Variants in INPP5A observed in about 807,000 individuals in gnomAD.
INPP5A encodes the protein 43 kDa inositol polyphosphate 5-phophatase.
A neutral mutation model predicts 65.2 loss-of-function variants in INPP5A; 14 were observed. The ratio of observed to expected loss-of-function variants is 0.21; its 90% CI spans 0.14 to 0.34. The LOEUF (loss-of-function observed/expected upper bound fraction) is 0.34. Among genes scored for constraint, INPP5A ranks in the 10% least tolerant of loss-of-function variants. The pLI is 1.00. For synonymous variants in INPP5A, 207 were observed against 208.3 expected, an observed-to-expected ratio of 0.99 and a Z score of 0.05; for missense variants, 431 against 545.6, an observed-to-expected ratio of 0.79 and a Z score of 2.09.
chr10:132,570,993 C>A (rs944576796), intron 1 of INPP5A, among the ~76,000 whole-genome samples: 1 of 152,240 alleles, frequency 6.6e-6, no homozygotes, highest in African/African-American at 2.4e-5. Flanking sequence ...ACGAGGCACT[C>A]CCTCCCCACC....
At chr10:132,563,856 G>A (rs114374174) in intron 1 of INPP5A, among the ~76,000 whole-genome samples, 168 of 152,256 alleles carry the variant, frequency 1.1e-3, no homozygotes, top group African/African-American at 3.8e-3. Context: ...AGTGGGGGCC[G>A]GTTGCCAGGG....
At chr10:132,631,287 G>C (rs1483543328) in intron 2 of INPP5A, among the ~76,000 whole-genome samples, 4 of 152,174 alleles carry the variant, frequency 2.6e-5, no homozygotes, top group African/African-American at 9.7e-5. Flanking sequence ...CCAGGGGCCT[G>C]TGGGAACCTG....
chr10:132,635,983 CAA>C (rs202003054), intron 2 of INPP5A, among the ~76,000 whole-genome samples: 15 of 49,204 alleles, frequency 3.0e-4, no homozygotes, highest in Admixed American at 6.6e-4. Flanking sequence ...ATCTCAAAGA[CAA>C]AAAAAAAAAA....
At chr10:132,559,767 C>T (rs1211331118) in intron 1 of INPP5A, among the ~76,000 whole-genome samples, 2 of 152,262 alleles carry the variant, frequency 1.3e-5, no homozygotes, top group South Asian at 2.1e-4. Context: ...ACCTCAGTTA[C>T]TTAGCATGTG....
At chr10:132,701,183 G>C (rs1346672629) in intron 6 of INPP5A, among the ~76,000 whole-genome samples, 4 of 152,212 alleles carry the variant, frequency 2.6e-5, no homozygotes, top group African/African-American at 9.7e-5. Context: ...CTATCCATCT[G>C]CCTGCTGAAG....
At chr10:132,622,357 C>A (rs1466398321) in intron 2 of INPP5A, among the ~76,000 whole-genome samples, 1 of 140,874 alleles carries the variant, frequency 7.1e-6, no homozygotes, top group African/African-American at 2.7e-5. Flanking sequence ...CGTGTTAGAA[C>A]TTGAGAAATA....
At position 132,783,128 on chromosome 10, in the gene INPP5A, T is replaced by A. The variant is rs1437350723; in HGVS notation, c.*1099T>A. 1.3e-5 allele frequency: 2 copies of A among 152,426 alleles called. No individual in the cohort carries two copies. The highest frequency in any genetic ancestry group is 4.8e-5 in the African/African-American group (2 of 41,462). 9.4% of individuals were successfully genotyped at this position (152,426 alleles called of 1,614,324 possible). On this transcript the variant is annotated 3_prime_UTR_variant, in exon 16 of 16. Transcript: ENST00000368594. ...ACCCATGTCATAACCTTGTTGCAAA[T>A]ATTTTTCTCCTATAGCAGTAAGTAC...
rs2072203581 is a variant in INPP5A, at chr10:132,627,616, C to T, written c.118-18252C>T. Among the ~76,000 whole-genome samples the T allele has an allele frequency of 1.3e-5, 2 of 152,102 alleles. No individual in the cohort carries two copies. The highest frequency in any genetic ancestry group is 2.4e-5 in the African/African-American group (1 of 41,406). On this transcript the variant is annotated intron_variant, in intron 2 of 15. Transcript: ENST00000368594. This position sits in a 1 kb window ranked among gnomAD's most constrained non-coding sequence, Gnocchi z 6.6. The stretch of plus-strand genomic sequence containing the variant: ...GTGAAATGAACGAGGGAGTGAGAGC[C>T]GAAAAAGACACCTTCCAGGAATCGT...
chr10:132,768,973 C>A (rs532890937), intron 12 of INPP5A, among the ~76,000 whole-genome samples: 4 of 152,252 alleles, frequency 2.6e-5, no homozygotes, highest in African/African-American at 4.8e-5. Flanking sequence ...GGGCAGTAGA[C>A]CCTCCATGGG....
Position 132,637,848 on chromosome 10 carries a change from C to T in INPP5A, c.118-8020C>T, listed in dbSNP as rs573808478. 3.9e-4 allele frequency among the ~76,000 whole-genome samples: 59 copies of T among 152,286 alleles called. 4 individuals are homozygous for T. Among genetic ancestry groups the T allele is most frequent in the Admixed American group, 3.6e-3 (55 of 15,302 alleles). On this transcript the variant is annotated intron_variant, in intron 2 of 15. Transcript: ENST00000368594. The surrounding 1 kb of genome is among the most constrained non-coding windows in gnomAD (Gnocchi z 4.1). ...TGGGCTCCCGTCCTGTTCTGCCTCA[C>T]GGTCGTTTTCCTCAGGTCGGGCACG...
intron 2 of INPP5A, among the ~76,000 whole-genome samples, chr10:132,608,964 C>T (rs2133342421): frequency 6.6e-6 from 1 of 152,300 alleles, no homozygotes; most frequent in South Asian, 2.1e-4. Flanking sequence ...ACCTCTGTGC[C>T]CTCGGGCCTG....
At position 132,676,314 on chromosome 10, in the gene INPP5A, A is replaced by C. The variant is rs1174131105; in HGVS notation, c.307-14078A>C. 1.3e-5 allele frequency among the ~76,000 whole-genome samples: 2 copies of C among 152,142 alleles called. No homozygotes were observed. The highest frequency in any genetic ancestry group is 2.9e-5 in the Non-Finnish European group (2 of 68,046). Reference sequence around the variant, plus strand: ...CTCACACAGCCTCGTTTTTCATGAGACCTGCGGAAAGGCTCTGGGGCGTCA... The same window carrying C: ...CTCACACAGCCTCGTTTTTCATGAGCCCTGCGGAAAGGCTCTGGGGCGTCA... On this transcript the variant is annotated intron_variant, in intron 4 of 15. Coordinates refer to ENST00000368594, the MANE Select transcript of INPP5A (RefSeq NM_005539.5). This position sits in a 1 kb window ranked among gnomAD's most constrained non-coding sequence, Gnocchi z 4.0.
At chr10:132,726,615 G>A (rs1845989669) in intron 8 of INPP5A, among the ~76,000 whole-genome samples, 1 of 152,172 alleles carries the variant, frequency 6.6e-6, no homozygotes, top group African/African-American at 2.4e-5. Context: ...GTGTTGCCAA[G>A]GGCTGAGCAC....
rs146587017 is a variant in INPP5A at position 132,627,421 on chromosome 10, C to T, written c.118-18447C>T. On this transcript the variant is annotated intron_variant, in intron 2 of 15. Transcript: ENST00000368594. This position sits in a 1 kb window ranked among gnomAD's most constrained non-coding sequence, Gnocchi z 6.6. ...CCGCTGAGCAGGTGGGTCTGGAGGG[C>T]GGTGGGGCTGGCGGTGCTGGGCGCG... Among the ~76,000 whole-genome samples, 11 of 152,066 alleles carry T rather than the reference C, an allele frequency of 7.2e-5. No individual in the cohort carries two copies. In the East Asian group the frequency reaches 1.2e-3, roughly 16 times the overall value.
Position 132,783,144 on chromosome 10 carries a change from C to T in INPP5A, c.*1115C>T, listed in dbSNP as rs1364692334. The T allele has an allele frequency of 6.6e-6, 1 of 152,382 alleles. No homozygotes were observed. Among genetic ancestry groups the T allele is most frequent in the Non-Finnish European group, 1.5e-5 (1 of 68,038 alleles). 9.4% of individuals were successfully genotyped at this position (152,382 alleles called of 1,614,324 possible). On this transcript the variant is annotated 3_prime_UTR_variant, in exon 16 of 16. Transcript: ENST00000368594. ...TGTTGCAAATATTTTTCTCCTATAG[C>T]AGTAAGTACAGCATTAGAAGGTGAT...
chr10:132,608,181 A>G (rs1263489782), intron 2 of INPP5A, among the ~76,000 whole-genome samples: 2 of 152,162 alleles, frequency 1.3e-5, no homozygotes, highest in African/African-American at 2.4e-5. Flanking sequence ...CCTCGGGCTC[A>G]CTGTTCACAT....
intron 9 of INPP5A, among the ~76,000 whole-genome samples, chr10:132,744,956 G>A (rs991043060): frequency 6.6e-6 from 1 of 152,108 alleles, no homozygotes; most frequent in Non-Finnish European, 1.5e-5. Flanking sequence ...TGGGCCCGGC[G>A]GTGCAGCCCC....
At chr10:132,746,555 G>A (rs1244349681) in intron 9 of INPP5A, among the ~76,000 whole-genome samples, 1 of 152,198 alleles carries the variant, frequency 6.6e-6, no homozygotes, top group Non-Finnish European at 1.5e-5. Context: ...CCCTGTCCAG[G>A]CAGCATGCCT....
chr10:132,757,258 G>T (rs1846639561), intron 11 of INPP5A, among the ~76,000 whole-genome samples: 1 of 152,224 alleles, frequency 6.6e-6, no homozygotes, highest in Non-Finnish European at 1.5e-5. Flanking sequence ...GTTGATCCCA[G>T]GCCTTCCCGC....
Sources: gnomAD v4.1 joint callset for allele counts (sites outside exome capture counted in the v4.1 genomes callset) on GRCh38, gnomAD v4.1.1 for gene constraint, Gnocchi (gnomAD v3.1) non-coding constraint, MANE v1.5 for transcripts, NCBI Gene and HGNC (gene_info 2026-07-23, HGNC 2026-07-21) for gene names.